Variants in MARVELD3 observed in about 807,000 individuals in gnomAD.
MARVELD3 encodes MARVEL domain containing 3.
A neutral mutation model predicts 33.5 loss-of-function variants in MARVELD3; 28 were observed. The observed-to-expected ratio is 0.84, with a 90% CI of 0.62 to 1.15. MARVELD3 has a LOEUF of 1.15. MARVELD3 is among the 50% of genes most tolerant of loss of function. MARVELD3 has a pLI of 0.00. For missense variants in MARVELD3, 582 were observed against 547.6 expected (o/e 1.06, Z -0.63); for synonymous variants, 241 against 230.4 (o/e 1.05, Z -0.42).
Position 71,634,925 on chromosome 16 carries a change from G to T in MARVELD3, c.*122G>T. The T allele has an allele frequency of 6.8e-7, 1 of 1,468,412 alleles. No homozygotes were observed. Among genetic ancestry groups the T allele is most frequent in the South Asian group, 1.5e-5 (1 of 68,754 alleles). 91.0% of individuals were successfully genotyped at this position (1,468,412 alleles called of 1,614,324 possible). On this transcript the variant is annotated 3_prime_UTR_variant, in exon 3 of 3. Coordinates refer to ENST00000268485, the MANE Select transcript of MARVELD3 (RefSeq NM_052858.6). ...CTGGAAAAGCAGCGAGCCAGCGTTGGTGTGGTGGGCGGAGCTCCCAGTCGC... is the reference window on the plus strand; with the variant it reads ...CTGGAAAAGCAGCGAGCCAGCGTTGTTGTGGTGGGCGGAGCTCCCAGTCGC...
chr16:71,634,181 C>G lies in MARVELD3; in HGVS notation c.596-12C>G. On this transcript the variant is annotated splice_polypyrimidine_tract_variant and intron_variant, in intron 2 of 2. Transcript: ENST00000268485. ...AGCATCACTCAAAAATGGTAACACC[C>G]TTTTTTTGCAGCCTGCTGCCAAATG... The G allele has an allele frequency of 1.3e-6, 2 of 1,587,872 alleles. No individual in the cohort carries two copies. The highest frequency in any genetic ancestry group is 1.7e-6 in the Non-Finnish European group (2 of 1,165,194).
chr16:71,629,801 A>G (rs17354693), intron 2 of MARVELD3: 43,562 of 392,476 alleles, frequency 0.11, 3,119 homozygotes, highest in Middle Eastern at 0.18. Context: ...GGAACTGGCT[A>G]TGAGCTGCCA....
intron 2 of MARVELD3, among the ~76,000 whole-genome samples, chr16:71,630,727 G>A (rs373467545): frequency 6.6e-6 from 1 of 151,502 alleles, no homozygotes; most frequent in Non-Finnish European, 1.5e-5. Context: ...CATTAAGACC[G>A]AGTTCACACA....
chr16:71,637,217 G>T (rs1412292487), downstream of MARVELD3, among the ~76,000 whole-genome samples: 1 of 152,148 alleles, frequency 6.6e-6, no homozygotes, highest in East Asian at 1.9e-4. Context: ...CCTGTCAGTT[G>T]GCGCAGTCAA....
chr16:71,636,086 C>T lies in MARVELD3; in HGVS notation c.*1283C>T, dbSNP rs1233666923. The T allele has an allele frequency of 2.0e-6, 2 of 985,210 alleles. No individual in the cohort carries two copies. Among genetic ancestry groups the T allele is most frequent in the Non-Finnish European group, 2.4e-6 (2 of 829,802 alleles). The allele number at this position is 985,210 out of a possible 1,614,324, so 61.0% of individuals were successfully genotyped here. Reference sequence around the variant, plus strand: ...GCACATTAAATTATGACTTATGGAACATTGCAATATATTCTCGGTCCTTAA... The same window carrying T: ...GCACATTAAATTATGACTTATGGAATATTGCAATATATTCTCGGTCCTTAA... On this transcript the variant is annotated 3_prime_UTR_variant, in exon 3 of 3. Transcript: ENST00000268485.
chr16:71,637,865 A>AT (rs1205378795), downstream of MARVELD3: 4 of 152,106 alleles, frequency 2.6e-5, no homozygotes, highest in African/African-American at 9.7e-5. Context: ...TTTTTAGAGT[A>AT]TTTTCACATA....
At chr16:71,630,125 G>A (rs563006502) in intron 2 of MARVELD3, among the ~76,000 whole-genome samples, 12 of 151,406 alleles carry the variant, frequency 7.9e-5, no homozygotes, top group East Asian at 7.8e-4. Flanking sequence ...AGTGGCTTAC[G>A]CCTGTAATCC....
At position 71,635,552 on chromosome 16, in the gene MARVELD3, C is replaced by A; in HGVS notation, c.*749C>A. On this transcript the variant is annotated 3_prime_UTR_variant, in exon 3 of 3. Coordinates refer to ENST00000268485, the MANE Select transcript of MARVELD3 (RefSeq NM_052858.6). Reference sequence around the variant, plus strand: ...AACCCAGGAGTTCAAGTTTGCAGTGCGCTATGATTGTCCCACTACACTCTA... The same window carrying A: ...AACCCAGGAGTTCAAGTTTGCAGTGAGCTATGATTGTCCCACTACACTCTA... 1.0e-6 allele frequency: 1 copy of A among 979,416 alleles called. No homozygotes were observed. The highest frequency in any genetic ancestry group is 1.2e-6 in the Non-Finnish European group (1 of 825,000). 60.7% of individuals were successfully genotyped at this position (979,416 alleles called of 1,614,324 possible).
At chr16:71,639,757 T>C (rs567225439), downstream of MARVELD3, among the ~76,000 whole-genome samples, 67 of 152,212 alleles carry the variant, frequency 4.4e-4, 1 homozygote, top group Non-Finnish European at 7.2e-4. Context: ...TAGGAGTTCA[T>C]CCCTTTTTAT....
At position 71,629,435 on chromosome 16, in the gene MARVELD3, A is replaced by G. The variant is rs1443587334; in HGVS notation, c.536A>G (p.Gln179Arg). ...GGACGAGAGGAGGTGGAATATTACC[A>G]GTCAGAGGCGGAAGGACTCCTGGAA... is the stretch of plus-strand genomic sequence containing the variant. ...RPGREEVEYY[Q>R]SEAEGLLECH... The change falls in exon 2 of 3, where the codon CAG (glutamine) becomes CGG (arginine). Residue 179 changes from glutamine (Q) to arginine (R), a missense_variant. Physicochemically the swap from Gln to Arg is conservative, Grantham distance 43 (BLOSUM62 1). Transcript: ENST00000268485. The G allele has an allele frequency of 6.3e-7, 1 of 1,583,918 alleles. No homozygotes were observed. The highest frequency in any genetic ancestry group is 8.6e-7 in the Non-Finnish European group (1 of 1,167,924).
downstream of MARVELD3, among the ~76,000 whole-genome samples, chr16:71,637,633 G>C (rs1463432797): frequency 5.9e-5 from 9 of 152,152 alleles, no homozygotes; most frequent in Non-Finnish European, 8.8e-5. Context: ...GCAGGAGATA[G>C]GATTAGCAAG....
chr16:71,628,086 A>G (rs1282248487), intron 1 of MARVELD3, among the ~76,000 whole-genome samples: 1 of 152,152 alleles, frequency 6.6e-6, no homozygotes, highest in East Asian at 1.9e-4. Flanking sequence ...TTTATGTTAC[A>G]TTATCTAAAA....
At chr16:71,641,955 A>G (rs796130279) in exon 3 of MARVELD3, 13 of 152,332 alleles carry the variant, frequency 8.5e-5, no homozygotes, top group African/African-American at 3.1e-4. Flanking sequence ...AAGTTCTTTT[A>G]GTAATTTTAA....
Position 71,626,750 on chromosome 16 carries a change from G to A in MARVELD3, c.467+54G>A. On this transcript the variant is annotated intron_variant, in intron 1 of 2. Coordinates refer to ENST00000268485, the MANE Select transcript of MARVELD3 (RefSeq NM_052858.6). This position sits in a 1 kb window ranked among gnomAD's most constrained non-coding sequence, Gnocchi z 5.3. ...CGCGCCGGGGACACCTGTGGCCCAG[G>A]CCGGCCCGCGAGGCCCTGGCGTCCC... The A allele has an allele frequency of 3.7e-6, 5 of 1,362,600 alleles. No individual in the cohort carries two copies. The highest frequency in any genetic ancestry group is 4.7e-6 in the Non-Finnish European group (5 of 1,057,030). 84.4% of individuals were successfully genotyped at this position (1,362,600 alleles called of 1,614,324 possible).
downstream of MARVELD3, chr16:71,640,669 G>A (rs199684141): frequency 8.1e-6 from 13 of 1,614,240 alleles, no homozygotes; most frequent in East Asian, 8.9e-5. Context: ...GCCAAGAGTC[G>A]AACAATGTTG....
Position 71,634,395 on chromosome 16 carries a change from G to GCTGC in MARVELD3, c.800_803dup (p.Met269AlafsTer10), listed in dbSNP as rs2044562110. ...TGGATGTCCAGTTCTACCAGCTAAA[G>GCTGC]CTGCCCATGGTCACTGTGGCAATGG... On this transcript the variant is annotated frameshift_variant, in exon 3 of 3. Coordinates refer to ENST00000268485, the MANE Select transcript of MARVELD3 (RefSeq NM_052858.6). LOFTEE classifies it high-confidence loss of function. 1.2e-6 allele frequency: 2 copies of GCTGC among 1,614,102 alleles called. No individual in the cohort carries two copies. The highest frequency in any genetic ancestry group is 1.3e-5 in the African/African-American group (1 of 74,946).
chr16:71,635,424 T>G lies in MARVELD3; in HGVS notation c.*621T>G. The G allele has an allele frequency of 1.0e-6, 1 of 978,670 alleles. No individual in the cohort carries two copies. Among genetic ancestry groups the G allele is most frequent in the African/African-American group, 1.8e-5 (1 of 54,752 alleles). The allele number at this position is 978,670 out of a possible 1,614,324, so 60.6% of individuals were successfully genotyped here. A position where few individuals can be genotyped will look rare whatever the true frequency, so the allele number is the denominator to read the frequency against. On this transcript the variant is annotated 3_prime_UTR_variant, in exon 3 of 3. Coordinates refer to ENST00000268485, the MANE Select transcript of MARVELD3 (RefSeq NM_052858.6). ...CACCTCTTCATTCAGTAAAGGGAGG[T>G]CACCAAGAGAATTTGATGAACCTTA... is the stretch of plus-strand genomic sequence containing the variant.
downstream of MARVELD3, chr16:71,640,387 T>G (rs2044608207): frequency 6.2e-7 from 1 of 1,613,560 alleles, no homozygotes. Flanking sequence ...TCTCTTCTCC[T>G]AGGTGTGGTG....
At chr16:71,630,506 C>G (rs539594443) in intron 2 of MARVELD3, among the ~76,000 whole-genome samples, 1 of 151,334 alleles carries the variant, frequency 6.6e-6, no homozygotes, top group East Asian at 2.0e-4. Context: ...TGCCTGTAAT[C>G]CCAGCTACTT....
Sources: allele counts gnomAD v4.1 joint callset (sites outside exome capture counted in the v4.1 genomes callset), GRCh38; gene constraint gnomAD v4.1.1; non-coding constraint Gnocchi (gnomAD v3.1); transcripts MANE v1.5; gene names NCBI Gene and HGNC (gene_info 2026-07-23, HGNC 2026-07-21).